Variants in SSH2 observed in about 807,000 individuals in gnomAD.
SSH2 encodes slingshot protein phosphatase 2, also known as protein phosphatase Slingshot homolog 2.
SSH2 carries 37 observed loss-of-function variants against 135.2 expected under a neutral mutation model. The observed-to-expected ratio is 0.27, with a 90% CI of 0.21 to 0.36. SSH2 has a LOEUF of 0.36. Ranked by LOEUF, SSH2 falls within the 10% of genes least tolerant of loss-of-function variation. The pLI is 1.00. For missense variants in SSH2, 1,408 were observed against 1,765.3 expected, an observed-to-expected ratio of 0.80 and a Z score of 3.63; for synonymous variants, 628 against 646.2, an observed-to-expected ratio of 0.97 and a Z score of 0.43.
intron 1 of SSH2, among the ~76,000 whole-genome samples, chr17:29,905,982 C>T (rs904561066): frequency 6.6e-6 from 1 of 152,098 alleles, no homozygotes; most frequent in Non-Finnish European, 1.5e-5. Context: ...TCCAGGGCCT[C>T]CTCTCTGATG....
chr17:29,756,263 CAA>C (rs1375228462), intron 3 of SSH2, among the ~76,000 whole-genome samples: 35 of 82,636 alleles, frequency 4.2e-4, no homozygotes, highest in East Asian at 3.2e-4. Context: ...GACTCTGTCT[CAA>C]AAAAAAAAAA....
At chr17:29,908,763 GAAAAAAAAAAAAAAA>G (rs60242323) in intron 1 of SSH2, among the ~76,000 whole-genome samples, 15 of 50,888 alleles carry the variant, frequency 2.9e-4, no homozygotes, top group East Asian at 1.5e-3. Flanking sequence ...GACTCCATCT[GAAAAAAAAAAAAAAA>G]AAAAAAAAAA....
intron 1 of SSH2, among the ~76,000 whole-genome samples, chr17:29,882,385 T>A (rs371709198): frequency 6.6e-6 from 1 of 152,226 alleles, no homozygotes; most frequent in Non-Finnish European, 1.5e-5. Flanking sequence ...GCCTGGACTT[T>A]TCCCTGCACC....
chr17:29,884,733 A>C (rs922041291), intron 1 of SSH2, among the ~76,000 whole-genome samples: 4 of 152,108 alleles, frequency 2.6e-5, no homozygotes, highest in Non-Finnish European at 5.9e-5. Context: ...ATTTCACCTC[A>C]TAATCCATCA....
intron 3 of SSH2, chr17:29,716,376 G>A: frequency 1.9e-6 from 1 of 514,274 alleles, no homozygotes; most frequent in East Asian, 4.1e-5. Context: ...TGCTTTATGT[G>A]CTCAATACAC....
At chr17:29,880,273 C>A (rs1222747119) in intron 1 of SSH2, among the ~76,000 whole-genome samples, 1 of 152,170 alleles carries the variant, frequency 6.6e-6, no homozygotes, top group African/African-American at 2.4e-5. Context: ...GCACGTACCA[C>A]CCATGACCAG....
intron 2 of SSH2, among the ~76,000 whole-genome samples, chr17:29,813,030 AG>A (rs2042474694): frequency 6.6e-6 from 1 of 152,256 alleles, no homozygotes; most frequent in African/African-American, 2.4e-5. Context: ...CGTATATAAA[AG>A]AATGAATTAA....
intron 6 of SSH2, among the ~76,000 whole-genome samples, chr17:29,682,673 C>A (rs182454828): frequency 6.6e-6 from 1 of 151,940 alleles, no homozygotes. Flanking sequence ...GGAAGGAAGG[C>A]AGGCAGGCAA....
intron 11 of SSH2, among the ~76,000 whole-genome samples, chr17:29,659,167 T>C (rs2036916962): frequency 1.3e-5 from 2 of 152,210 alleles, no homozygotes; most frequent in South Asian, 2.1e-4. Flanking sequence ...TAGTACTTCA[T>C]GAGTACTGAT....
intron 2 of SSH2, among the ~76,000 whole-genome samples, chr17:29,826,825 G>A (rs2042753507): frequency 6.6e-6 from 1 of 152,118 alleles, no homozygotes; most frequent in South Asian, 2.1e-4. Flanking sequence ...CCTGACATGG[G>A]TCTATGGACA....
At chr17:29,859,333 A>T in intron 1 of SSH2, among the ~76,000 whole-genome samples, 1 of 151,662 alleles carries the variant, frequency 6.6e-6, no homozygotes. Flanking sequence ...GTATATATGC[A>T]GGTTTGTTAT....
chr17:29,806,362 C>G (rs1475621014), intron 2 of SSH2, among the ~76,000 whole-genome samples: 1 of 152,178 alleles, frequency 6.6e-6, no homozygotes, highest in Non-Finnish European at 1.5e-5. Flanking sequence ...AGTCAGGATT[C>G]TGTCTGAAAA....
At chr17:29,902,068 T>C (rs1382364899) in intron 1 of SSH2, among the ~76,000 whole-genome samples, 2 of 152,138 alleles carry the variant, frequency 1.3e-5, no homozygotes, top group African/African-American at 4.8e-5. Flanking sequence ...ATTACAGGCA[T>C]AAACCACCCT....
intron 1 of SSH2, among the ~76,000 whole-genome samples, chr17:29,914,435 C>T (rs925976580): frequency 4.6e-5 from 7 of 151,458 alleles, no homozygotes; most frequent in African/African-American, 1.2e-4. Flanking sequence ...TGTGGTGGTA[C>T]GCACCTGTAG....
At chr17:29,853,984 A>G (rs2065614785) in intron 1 of SSH2, among the ~76,000 whole-genome samples, 1 of 151,796 alleles carries the variant, frequency 6.6e-6, no homozygotes, top group South Asian at 2.1e-4. Flanking sequence ...AGAATAACTT[A>G]GCTTCTGATG....
At chr17:29,848,494 G>A (rs748829336) in intron 2 of SSH2, among the ~76,000 whole-genome samples, 1 of 151,924 alleles carries the variant, frequency 6.6e-6, no homozygotes, top group Non-Finnish European at 1.5e-5. Flanking sequence ...ACAGGGAAAA[G>A]AATAATACTA....
chr17:29,753,621 C>A (rs113271474), intron 3 of SSH2, among the ~76,000 whole-genome samples: 1 of 151,130 alleles, frequency 6.6e-6, no homozygotes, highest in Non-Finnish European at 1.5e-5. Context: ...CATGGTGAAA[C>A]CCCGTCTGTA....
At chr17:29,677,186 G>A (rs1007829320) in intron 7 of SSH2, among the ~76,000 whole-genome samples, 3 of 151,116 alleles carry the variant, frequency 2.0e-5, no homozygotes, top group Admixed American at 1.3e-4. Flanking sequence ...GAAGTCTTGT[G>A]GGTTCTTAGC....
In SSH2 at chr17:29,811,696, C is replaced by G. The variant is rs1414208540; in HGVS notation, c.145-17759G>C. On this transcript the variant is annotated intron_variant, in intron 2 of 15. Coordinates refer to ENST00000540801, the MANE Select transcript of SSH2 (RefSeq NM_001282129.2). ...TGATCCTTCCACCTCAGCCTCCCAACTAGCTGGGACTACAGGTGTGCACCA... is the reference window on the plus strand; with the variant it reads ...TGATCCTTCCACCTCAGCCTCCCAAGTAGCTGGGACTACAGGTGTGCACCA... Among the ~76,000 whole-genome samples the G allele has an allele frequency of 2.0e-5, 3 of 151,996 alleles. No individual in the cohort carries two copies. The East Asian group carries it at 5.8e-4, about 30-fold the overall frequency.
Sources: allele counts gnomAD v4.1 joint callset (sites outside exome capture counted in the v4.1 genomes callset), GRCh38; gene constraint gnomAD v4.1.1; transcripts MANE v1.5; gene names NCBI Gene and HGNC (gene_info 2026-07-23, HGNC 2026-07-21).